LRRC4C: variants seen among roughly 807,000 people sequenced by gnomAD.
LRRC4C encodes the protein leucine rich repeat containing 4C, also known as leucine-rich repeat-containing protein 4C.
LRRC4C carries 5 observed loss-of-function variants against 33.6 expected under a neutral mutation model. The ratio of observed to expected loss-of-function variants is 0.15; its 90% CI spans 0.08 to 0.31. The LOEUF is 0.31. LRRC4C is among the 10% of genes least tolerant of loss of function. The probability of loss-of-function intolerance (pLI) is 1.00; values close to 1 mark genes in which losing one functional copy is unlikely to be tolerated. For synonymous variants in LRRC4C, 329 were observed against 302.0 expected (o/e 1.09, Z -0.93); for missense variants, 560 against 796.7 (o/e 0.70, Z 3.58).
At chr11:41,394,172 T>C (rs992018683) in intron 1 of LRRC4C, among the ~76,000 whole-genome samples, 2 of 151,898 alleles carry the variant, frequency 1.3e-5, no homozygotes, top group African/African-American at 2.4e-5. Flanking sequence ...TAAAATGGAG[T>C]TCATAATAGT....
intron 1 of LRRC4C, among the ~76,000 whole-genome samples, chr11:41,153,483 C>A (rs553464627): frequency 2.5e-4 from 38 of 152,104 alleles, no homozygotes; most frequent in Admixed American, 5.9e-4. Context: ...CTACGAGTAA[C>A]CTCAAATATT....
chr11:40,961,853 C>A (rs1850998855), intron 1 of LRRC4C, among the ~76,000 whole-genome samples: 1 of 151,620 alleles, frequency 6.6e-6, no homozygotes, highest in Non-Finnish European at 1.5e-5. Flanking sequence ...CTTTGAGAAA[C>A]CTCCACACCA....
At chr11:41,191,291 G>A (rs927997852) in intron 1 of LRRC4C, among the ~76,000 whole-genome samples, 2 of 152,132 alleles carry the variant, frequency 1.3e-5, no homozygotes, top group African/African-American at 2.4e-5. Flanking sequence ...CAAGTGTCAG[G>A]AGCCTGCTGT....
At chr11:41,295,248 T>G (rs1402093923) in intron 1 of LRRC4C, among the ~76,000 whole-genome samples, 2 of 152,148 alleles carry the variant, frequency 1.3e-5, no homozygotes, top group Non-Finnish European at 2.9e-5. Flanking sequence ...AGAAATATAG[T>G]TATAAATATT....
intron 1 of LRRC4C, among the ~76,000 whole-genome samples, chr11:41,304,045 T>TGGG (rs1293325819): frequency 2.2e-5 from 1 of 45,294 alleles, no homozygotes. Flanking sequence ...GGGAGGGAGG[T>TGGG]GGGGGGTCAG....
intron 2 of LRRC4C, among the ~76,000 whole-genome samples, chr11:40,735,445 A>G (rs1457992131): frequency 6.8e-6 from 1 of 146,986 alleles, no homozygotes; most frequent in Admixed American, 6.8e-5. Flanking sequence ...GTTTGCTGAG[A>G]ATGATGGTTT....
intron 1 of LRRC4C, among the ~76,000 whole-genome samples, chr11:41,233,213 A>G (rs1830866509): frequency 6.6e-6 from 1 of 152,050 alleles, no homozygotes; most frequent in Non-Finnish European, 1.5e-5. Flanking sequence ...TAAGCTAAAG[A>G]AATTGAGTCA....
At chr11:40,560,066 C>T (rs76530393) in intron 3 of LRRC4C, among the ~76,000 whole-genome samples, 1 of 152,130 alleles carries the variant, frequency 6.6e-6, no homozygotes, top group African/African-American at 2.4e-5. Flanking sequence ...ATTTTAAGAT[C>T]TTTCCTCTAA....
chr11:41,290,087 G>A (rs1949948178), intron 1 of LRRC4C, among the ~76,000 whole-genome samples: 1 of 152,136 alleles, frequency 6.6e-6, no homozygotes, highest in Admixed American at 6.6e-5. Flanking sequence ...ACATTTTATA[G>A]ATTTGTTCAG....
chr11:40,453,175 G>T (rs574956760), intron 3 of LRRC4C, among the ~76,000 whole-genome samples: 1 of 131,190 alleles, frequency 7.6e-6, no homozygotes, highest in South Asian at 2.7e-4. Flanking sequence ...AAAACTTAAA[G>T]TATAATAAAA....
rs187319572 is a variant in LRRC4C, at chr11:40,625,564, G to A, written c.-270+22578C>T. On this transcript the variant is annotated intron_variant, in intron 3 of 6. Transcript: ENST00000528697. ...AAGGGTCCCTCCTAGGACACATGGG[G>A]ATTATGGTAGCTACAATTCAAGATG... Among the ~76,000 whole-genome samples, 1,165 of 152,238 alleles carry A rather than the reference G, an allele frequency of 7.7e-3. 9 individuals are homozygous for A. The highest frequency in any genetic ancestry group is 0.01 in the Non-Finnish European group (697 of 68,016).
intron 1 of LRRC4C, among the ~76,000 whole-genome samples, chr11:41,002,806 T>C (rs1053317351): frequency 1.3e-5 from 2 of 152,034 alleles, no homozygotes; most frequent in Non-Finnish European, 2.9e-5. Context: ...TATGGAGAAA[T>C]GCTCAGGATA....
At chr11:40,667,998 A>G (rs989848642) in intron 2 of LRRC4C, among the ~76,000 whole-genome samples, 1 of 152,234 alleles carries the variant, frequency 6.6e-6, no homozygotes, top group Admixed American at 6.5e-5. Context: ...GTGGTTTTCA[A>G]TTCCGAGTGT....
chr11:41,068,519 A>G (rs1462613050), intron 1 of LRRC4C, among the ~76,000 whole-genome samples: 2 of 152,216 alleles, frequency 1.3e-5, no homozygotes, highest in Non-Finnish European at 2.9e-5. Context: ...GACACAATAA[A>G]AAATGATAAA....
intron 3 of LRRC4C, among the ~76,000 whole-genome samples, chr11:40,537,756 A>T (rs1956536969): frequency 6.6e-6 from 1 of 152,164 alleles, no homozygotes; most frequent in African/African-American, 2.4e-5. Flanking sequence ...CAGATGTGAT[A>T]CAGATTAGTT....
intron 2 of LRRC4C, among the ~76,000 whole-genome samples, chr11:40,912,467 A>C (rs2136282679): frequency 6.6e-6 from 1 of 152,304 alleles, no homozygotes; most frequent in Non-Finnish European, 1.5e-5. Flanking sequence ...CTGAAGGAGA[A>C]ATAAAATCCT....
chr11:41,297,258 T>C (rs1327836397), intron 1 of LRRC4C, among the ~76,000 whole-genome samples: 2 of 152,200 alleles, frequency 1.3e-5, no homozygotes, highest in African/African-American at 4.8e-5. Flanking sequence ...AGTATAATCT[T>C]TTTGATGCGT....
At chr11:40,543,122 A>T (rs1956789499) in intron 3 of LRRC4C, among the ~76,000 whole-genome samples, 1 of 152,120 alleles carries the variant, frequency 6.6e-6, no homozygotes, top group Admixed American at 6.6e-5. Context: ...ATCTCCTTTA[A>T]GACCTCCAGG....
chr11:40,506,304 A>C (rs74358588), intron 3 of LRRC4C, among the ~76,000 whole-genome samples: 6,166 of 152,258 alleles, frequency 0.04, 361 homozygotes, highest in African/African-American at 0.13. Context: ...TTCTTTGAGA[A>C]TCCAAGAGCT....
Sources: gnomAD v4.1 joint callset for allele counts (sites outside exome capture counted in the v4.1 genomes callset) on GRCh38, gnomAD v4.1.1 for gene constraint, MANE v1.5 for transcripts, NCBI Gene and HGNC (gene_info 2026-07-23, HGNC 2026-07-21) for gene names.